KCNIP4: variants seen among roughly 807,000 people sequenced by gnomAD.
KCNIP4 encodes Kv channel-interacting protein 4.
A neutral mutation model predicts 34.0 loss-of-function variants in KCNIP4; 12 were observed. That is an observed-to-expected ratio of 0.35 (90% CI 0.23 to 0.57). KCNIP4 has a LOEUF of 0.57. Ranked by LOEUF, KCNIP4 falls within the 20% of genes least tolerant of loss-of-function variation. The pLI, the probability that KCNIP4 is intolerant of heterozygous loss-of-function variation, is 0.83. For synonymous variants in KCNIP4, 124 were observed against 102.2 expected, an observed-to-expected ratio of 1.21 and a Z score of -1.29; for missense variants, 238 against 311.7, an observed-to-expected ratio of 0.76 and a Z score of 1.78.
chr4:21,469,728 T>A (rs1366085048), intron 1 of KCNIP4, among the ~76,000 whole-genome samples: 1 of 152,114 alleles, frequency 6.6e-6, no homozygotes, highest in Non-Finnish European at 1.5e-5. Flanking sequence ...TCAAAGATAA[T>A]TGGACTCATT....
intron 1 of KCNIP4, among the ~76,000 whole-genome samples, chr4:21,033,511 T>C (rs1039609070): frequency 2.6e-5 from 4 of 152,220 alleles, no homozygotes; most frequent in African/African-American, 9.6e-5. Flanking sequence ...GCATGCATAC[T>C]CTTCGTGTTA....
At chr4:20,987,862 G>A (rs181528876) in intron 1 of KCNIP4, among the ~76,000 whole-genome samples, 115 of 151,600 alleles carry the variant, frequency 7.6e-4, no homozygotes, top group African/African-American at 2.6e-3. Context: ...TTAGCCGGGC[G>A]TGGTGGTGGG....
chr4:21,648,875 G>C (rs866090569), intron 1 of KCNIP4, among the ~76,000 whole-genome samples: 1 of 152,094 alleles, frequency 6.6e-6, no homozygotes, highest in African/African-American at 2.4e-5. Flanking sequence ...ATTATGACAT[G>C]ATTTTAAATT....
chr4:21,680,654 G>A (rs1184305579), intron 1 of KCNIP4, among the ~76,000 whole-genome samples: 2 of 152,190 alleles, frequency 1.3e-5, no homozygotes, highest in African/African-American at 4.8e-5. Context: ...CTGCAGAATG[G>A]ATGTTGTGTT....
At chr4:21,653,717 T>C (rs1005546163) in intron 1 of KCNIP4, among the ~76,000 whole-genome samples, 1 of 152,172 alleles carries the variant, frequency 6.6e-6, no homozygotes, top group East Asian at 1.9e-4. Flanking sequence ...TCCTGTTTAA[T>C]CCTCACAACA....
intron 1 of KCNIP4, among the ~76,000 whole-genome samples, chr4:21,269,498 T>C (rs576297031): frequency 1.3e-5 from 2 of 152,158 alleles, no homozygotes; most frequent in East Asian, 3.9e-4. Context: ...CTCAACCTCC[T>C]GGGCTCCAGC....
rs181939664 is a variant in KCNIP4 at position 20,949,575 on chromosome 4, A to G, written c.62-66866T>C. On this transcript the variant is annotated intron_variant, in intron 1 of 8. Transcript: ENST00000382152. ...CATGCACATGTATGTTTATCGCGGC[A>G]CTATTCACAATAGCAAAGACTTGGA... Among the ~76,000 whole-genome samples the G allele has an allele frequency of 6.0e-3, 906 of 152,178 alleles. 6 individuals are homozygous for G. Among genetic ancestry groups the G allele is most frequent in the African/African-American group, 0.02 (840 of 41,496 alleles).
intron 1 of KCNIP4, among the ~76,000 whole-genome samples, chr4:21,659,598 A>G (rs375498944): frequency 1.3e-5 from 2 of 152,160 alleles, no homozygotes; most frequent in South Asian, 4.1e-4. Context: ...GATTTGGATA[A>G]TAACTTCTAC....
At chr4:21,365,240 T>A (rs1719628318) in intron 1 of KCNIP4, among the ~76,000 whole-genome samples, 1 of 152,090 alleles carries the variant, frequency 6.6e-6, no homozygotes, top group Admixed American at 6.6e-5. Flanking sequence ...ATCCCAGCAC[T>A]TTGGGAGGCC....
chr4:21,018,475 C>A (rs903882753), intron 1 of KCNIP4, among the ~76,000 whole-genome samples: 2 of 152,130 alleles, frequency 1.3e-5, no homozygotes, highest in African/African-American at 2.4e-5. Context: ...AAGGCCACAC[C>A]TCCCACAGAC....
intron 1 of KCNIP4, among the ~76,000 whole-genome samples, chr4:21,223,148 G>A (rs1473888043): frequency 6.6e-6 from 1 of 152,104 alleles, no homozygotes; most frequent in Non-Finnish European, 1.5e-5. Flanking sequence ...ACAAATCACA[G>A]GGGTCCTTAT....
chr4:20,911,694 T>C (rs534806233), intron 1 of KCNIP4, among the ~76,000 whole-genome samples: 49 of 152,212 alleles, frequency 3.2e-4, no homozygotes, highest in Non-Finnish European at 6.3e-4. Flanking sequence ...TTCGCTGTTA[T>C]AAATAAGTCA....
At chr4:20,948,483 G>T (rs1205002622) in intron 1 of KCNIP4, among the ~76,000 whole-genome samples, 1 of 152,174 alleles carries the variant, frequency 6.6e-6, no homozygotes, top group Non-Finnish European at 1.5e-5. Flanking sequence ...GGAGAGGAGA[G>T]ATATTACCCA....
At position 21,008,752 on chromosome 4, in the gene KCNIP4, C is replaced by T. The variant is rs556866488; in HGVS notation, c.62-126043G>A. 6.4e-3 allele frequency among the ~76,000 whole-genome samples: 969 copies of T among 151,960 alleles called. 8 individuals carry two copies. Among genetic ancestry groups the T allele is most frequent in the Non-Finnish European group, 7.9e-3 (540 of 67,988 alleles). On this transcript the variant is annotated intron_variant, in intron 1 of 8. Coordinates refer to ENST00000382152, the MANE Select transcript of KCNIP4 (RefSeq NM_025221.6). ...TGTTATCTAGGATGGTCTCGATCTC[C>T]TGATCTGGTGATCCGCCCGCCTCGG...
chr4:21,454,440 TG>T (rs1161884548), intron 1 of KCNIP4, among the ~76,000 whole-genome samples: 2 of 152,118 alleles, frequency 1.3e-5, no homozygotes, highest in Non-Finnish European at 2.9e-5. Flanking sequence ...TAACATTATT[TG>T]ACAGTGCAAT....
At chr4:21,099,102 G>A (rs1216860659) in intron 1 of KCNIP4, among the ~76,000 whole-genome samples, 5 of 152,126 alleles carry the variant, frequency 3.3e-5, no homozygotes, top group Non-Finnish European at 7.3e-5. Context: ...ATTTGACTCA[G>A]CAATCCCATC....
intron 1 of KCNIP4, among the ~76,000 whole-genome samples, chr4:21,302,312 C>T (rs1294609809): frequency 6.6e-6 from 1 of 152,122 alleles, no homozygotes; most frequent in African/African-American, 2.4e-5. Context: ...AGATTCAAAG[C>T]CTTCCACACA....
intron 1 of KCNIP4, among the ~76,000 whole-genome samples, chr4:21,140,038 C>A (rs959895033): frequency 1.3e-5 from 2 of 152,098 alleles, no homozygotes; most frequent in African/African-American, 4.8e-5. Context: ...ACCCAATTAC[C>A]AGAAATTTAA....
intron 1 of KCNIP4, among the ~76,000 whole-genome samples, chr4:21,032,630 A>G (rs1741121298): frequency 1.3e-5 from 2 of 152,090 alleles, no homozygotes; most frequent in African/African-American, 2.4e-5. Flanking sequence ...TTAAGCTTCT[A>G]GTGGGTTTTG....
Sources: gnomAD v4.1 joint callset for allele counts (sites outside exome capture counted in the v4.1 genomes callset) on GRCh38, gnomAD v4.1.1 for gene constraint, MANE v1.5 for transcripts, NCBI Gene and HGNC (gene_info 2026-07-23, HGNC 2026-07-21) for gene names.